Variants in ADAM29 observed in about 807,000 individuals in gnomAD.
ADAM29 encodes disintegrin and metalloproteinase domain-containing protein 29.
For missense variants in ADAM29, 969 were observed against 1,001.8 expected (o/e 0.97, Z 0.44); for synonymous variants, 367 against 342.3 (o/e 1.07, Z -0.80).
intron 4 of ADAM29, among the ~76,000 whole-genome samples, chr4:174,939,787 A>C (rs1489918993): frequency 6.6e-6 from 1 of 152,210 alleles, no homozygotes; most frequent in Non-Finnish European, 1.5e-5. Context: ...AGATGGAAAG[A>C]AACAAACAAG....
At chr4:174,929,818 G>A (rs540400071) in intron 2 of ADAM29, among the ~76,000 whole-genome samples, 5 of 146,282 alleles carry the variant, frequency 3.4e-5, no homozygotes, top group Admixed American at 2.1e-4. Context: ...GTGCAGTGGC[G>A]CGATCTCAGC....
rs368500530 is a variant in ADAM29 at position 174,943,638 on chromosome 4, C to G, written c.-181+6625C>G. Among the ~76,000 whole-genome samples, 36 of 152,276 alleles carry G rather than the reference C, an allele frequency of 2.4e-4. No homozygotes were observed. The East Asian group carries it at 6.4e-3, about 27-fold the overall frequency. On this transcript the variant is annotated intron_variant, in intron 4 of 4. Coordinates refer to ENST00000359240, the MANE Select transcript of ADAM29 (RefSeq NM_014269.4). ...GATCCAACCACCTCCCACCAGGTCCCTCCCCTGACACATGGGGATTACAAT... is the reference window on the plus strand; with the variant it reads ...GATCCAACCACCTCCCACCAGGTCCGTCCCCTGACACATGGGGATTACAAT...
At chr4:174,918,929 G>A (rs1743020440) in intron 1 of ADAM29, 1 of 152,072 alleles carries the variant, frequency 6.6e-6, no homozygotes, top group Admixed American at 6.6e-5. Context: ...TGTTCCTTTA[G>A]AATCTGTTTA....
intron 4 of ADAM29, among the ~76,000 whole-genome samples, chr4:174,943,176 TCAAACG>T (rs1193296437): frequency 2.0e-5 from 3 of 152,226 alleles, no homozygotes; most frequent in Non-Finnish European, 4.4e-5. Flanking sequence ...AGCATGTTGA[TCAAACG>T]CATTCAGCAA....
intron 4 of ADAM29, among the ~76,000 whole-genome samples, chr4:174,942,858 T>G (rs1376491615): frequency 6.6e-6 from 1 of 152,232 alleles, no homozygotes; most frequent in East Asian, 1.9e-4. Context: ...TCCAAACTTT[T>G]ACACTCTGCT....
At chr4:174,955,075 T>C (rs1745421793) in intron 4 of ADAM29, among the ~76,000 whole-genome samples, 1 of 125,410 alleles carries the variant, frequency 8.0e-6, no homozygotes, top group Admixed American at 7.6e-5. Flanking sequence ...AGTAATAGTA[T>C]TAAATGCATT....
intron 4 of ADAM29, among the ~76,000 whole-genome samples, chr4:174,963,516 A>G (rs770713179): frequency 6.6e-5 from 10 of 152,244 alleles, no homozygotes; most frequent in African/African-American, 9.6e-5. Context: ...GAAGGGATGC[A>G]TATAAACCAC....
intron 4 of ADAM29, among the ~76,000 whole-genome samples, chr4:174,963,625 GTATAA>G (rs1333544594): frequency 1.6e-3 from 236 of 151,876 alleles, no homozygotes; most frequent in African/African-American, 5.3e-3. Context: ...ATTTTGTATA[GTATAA>G]TATTTTCACT....
intron 4 of ADAM29, among the ~76,000 whole-genome samples, chr4:174,952,820 G>T (rs554220686): frequency 6.6e-6 from 1 of 152,052 alleles, no homozygotes; most frequent in South Asian, 2.1e-4. Flanking sequence ...CATAGTACCC[G>T]GGGGCAAAAT....
In ADAM29 at chr4:174,977,230, AC is replaced by A; in HGVS notation, c.1706del (p.Thr569IlefsTer11). On this transcript the variant is annotated frameshift_variant, in exon 5 of 5. Transcript: ENST00000359240. LOFTEE classifies it low-confidence loss of function (END_TRUNC). ...VTEIPNMSDHTTVHWARFNDI... is the reference protein window; with the variant it reads ...VTEIPNMSDHXTVHWARFNDI... ...AGAAATTCCCAATATGAGTGATCAT[AC>A]TACTGTGCATTGGGCTCGCTTCAAT... 6.2e-7 allele frequency: 1 copy of A among 1,614,104 alleles called. No homozygotes were observed. Among genetic ancestry groups the A allele is most frequent in the South Asian group, 1.1e-5 (1 of 91,082 alleles).
intron 4 of ADAM29, among the ~76,000 whole-genome samples, chr4:174,939,341 T>C (rs1355327250): frequency 6.6e-6 from 1 of 152,190 alleles, no homozygotes. Context: ...AAGAAGAGAC[T>C]TTAATTACCT....
intron 4 of ADAM29, among the ~76,000 whole-genome samples, chr4:174,973,537 C>T (rs971697032): frequency 1.4e-4 from 22 of 152,090 alleles, no homozygotes; most frequent in African/African-American, 5.1e-4. Flanking sequence ...CCCACTCTGC[C>T]GTTTTGCTGA....
chr4:174,934,101 C>T (rs927434590), intron 3 of ADAM29, among the ~76,000 whole-genome samples: 13 of 152,078 alleles, frequency 8.5e-5, no homozygotes, highest in African/African-American at 3.1e-4. Flanking sequence ...AACAGTGTTC[C>T]CTTTTCTCTG....
chr4:174,969,293 TATTTTAAATAAA>T (rs1284214555), intron 4 of ADAM29, among the ~76,000 whole-genome samples: 1 of 151,716 alleles, frequency 6.6e-6, no homozygotes, highest in Non-Finnish European at 1.5e-5. Context: ...TACCATTATA[TATTTTAAATAAA>T]ATTACAGAAC....
intron 4 of ADAM29, among the ~76,000 whole-genome samples, chr4:174,964,681 G>T (rs1425348145): frequency 6.6e-6 from 1 of 151,994 alleles, no homozygotes; most frequent in Non-Finnish European, 1.5e-5. Context: ...ATACAGTATT[G>T]CACCTTGTTA....
intron 4 of ADAM29, among the ~76,000 whole-genome samples, chr4:174,959,577 G>A (rs1467598069): frequency 2.6e-5 from 4 of 151,262 alleles, no homozygotes; most frequent in African/African-American, 9.7e-5. Flanking sequence ...TATTAATTTT[G>A]TAAAGTTCAT....
At chr4:174,929,227 C>T (rs1417430279) in intron 2 of ADAM29, among the ~76,000 whole-genome samples, 5 of 152,180 alleles carry the variant, frequency 3.3e-5, no homozygotes, top group East Asian at 1.9e-4. Flanking sequence ...AGGTACACTC[C>T]TGGTTACTCC....
At chr4:174,967,397 T>C (rs1190588623) in intron 4 of ADAM29, among the ~76,000 whole-genome samples, 1 of 152,166 alleles carries the variant, frequency 6.6e-6, no homozygotes, top group Non-Finnish European at 1.5e-5. Context: ...TTCTAAGAAA[T>C]GTGTCTGAAT....
intron 4 of ADAM29, among the ~76,000 whole-genome samples, chr4:174,947,216 C>G (rs1744905329): frequency 6.6e-6 from 1 of 151,616 alleles, no homozygotes; most frequent in South Asian, 2.1e-4. Context: ...ATTTGTTGAT[C>G]TTTTTATGGT....
Sources: gnomAD v4.1 joint callset for allele counts (sites outside exome capture counted in the v4.1 genomes callset) on GRCh38, gnomAD v4.1.1 for gene constraint, MANE v1.5 for transcripts, NCBI Gene and HGNC (gene_info 2026-07-23, HGNC 2026-07-21) for gene names.